Variants in TAOK3 observed in about 807,000 individuals in gnomAD.
TAOK3 encodes the protein TAO kinase 3, also known as serine/threonine-protein kinase TAO3.
In TAOK3, 40 loss-of-function variants were observed where a neutral mutation model predicts 120.4. The observed-to-expected ratio is 0.33, with a 90% CI of 0.26 to 0.43. The LOEUF (loss-of-function observed/expected upper bound fraction) is 0.43, where lower values mean the gene tolerates loss of function less well. Ranked by LOEUF, TAOK3 falls within the 20% of genes least tolerant of loss-of-function variation. The pLI, the probability that TAOK3 is intolerant of heterozygous loss-of-function variation, is 1.00. For missense variants in TAOK3, 821 were observed against 1,112.1 expected (o/e 0.74, Z 3.72); for synonymous variants, 355 against 387.5 (o/e 0.92, Z 0.99).
chr12:118,275,883 G>A (rs1177158537), intron 1 of TAOK3, among the ~76,000 whole-genome samples: 2 of 152,160 alleles, frequency 1.3e-5, no homozygotes, highest in Non-Finnish European at 2.9e-5. Flanking sequence ...AGGAAGTGAA[G>A]GAGTAAGCCC....
At chr12:118,361,714 C>A (rs1156736908) in intron 1 of TAOK3, among the ~76,000 whole-genome samples, 2 of 152,126 alleles carry the variant, frequency 1.3e-5, no homozygotes, top group Non-Finnish European at 2.9e-5. Flanking sequence ...CTGCCTCAGC[C>A]TCCCAAAGTG....
chr12:118,170,681 T>C (rs1301857751), intron 17 of TAOK3, among the ~76,000 whole-genome samples: 1 of 152,136 alleles, frequency 6.6e-6, no homozygotes, highest in Non-Finnish European at 1.5e-5. Flanking sequence ...GAGGATCGCT[T>C]GAACCTAGGA....
chr12:118,245,533 G>A (rs1593282432), intron 3 of TAOK3, among the ~76,000 whole-genome samples: 1 of 151,674 alleles, frequency 6.6e-6, no homozygotes, highest in East Asian at 1.9e-4. Context: ...GGCCAGGCTG[G>A]TCTCAAACTC....
chr12:118,206,951 C>T (rs996692872), intron 11 of TAOK3, among the ~76,000 whole-genome samples: 4 of 152,056 alleles, frequency 2.6e-5, no homozygotes, highest in African/African-American at 4.8e-5. Flanking sequence ...GGAATGCCCT[C>T]GGACTCTTTT....
intron 19 of TAOK3, among the ~76,000 whole-genome samples, chr12:118,158,308 A>T (rs1055623116): frequency 6.6e-6 from 1 of 152,156 alleles, no homozygotes; most frequent in Non-Finnish European, 1.5e-5. Context: ...ATCCATTCCT[A>T]CCAGCCACAA....
chr12:118,337,458 T>A (rs1054620609), intron 1 of TAOK3, among the ~76,000 whole-genome samples: 1 of 152,200 alleles, frequency 6.6e-6, no homozygotes, highest in African/African-American at 2.4e-5. Flanking sequence ...TAAAAACTTG[T>A]ACGAGAATGT....
At chr12:118,219,535 C>G (rs1338381850) in intron 9 of TAOK3, among the ~76,000 whole-genome samples, 2 of 152,096 alleles carry the variant, frequency 1.3e-5, no homozygotes. Context: ...CAGACTAGGT[C>G]TCCTATTAGA....
intron 15 of TAOK3, among the ~76,000 whole-genome samples, chr12:118,178,171 C>T (rs2036466835): frequency 6.6e-6 from 1 of 152,172 alleles, no homozygotes; most frequent in African/African-American, 2.4e-5. Flanking sequence ...AGGGTCATCT[C>T]AAATGCTTGG....
At chr12:118,248,600 A>G (rs910102088) in intron 3 of TAOK3, among the ~76,000 whole-genome samples, 1 of 152,146 alleles carries the variant, frequency 6.6e-6, no homozygotes, top group Admixed American at 6.5e-5. Context: ...GAGAAATTTT[A>G]ACTTCTTGTG....
At chr12:118,288,568 A>T (rs2042347317) in intron 1 of TAOK3, among the ~76,000 whole-genome samples, 1 of 152,198 alleles carries the variant, frequency 6.6e-6, no homozygotes, top group South Asian at 2.1e-4. Flanking sequence ...TCACCACAGA[A>T]CTGTATGCCA....
chr12:118,169,081 T>G (rs1374398923), intron 17 of TAOK3, among the ~76,000 whole-genome samples: 1 of 152,072 alleles, frequency 6.6e-6, no homozygotes, highest in Non-Finnish European at 1.5e-5. Flanking sequence ...TGGCGCGATC[T>G]CGGCTCACTG....
In TAOK3 at chr12:118,186,371, C is replaced by T. The variant is rs547080825; in HGVS notation, c.1329+3436G>A. Among the ~76,000 whole-genome samples the T allele has an allele frequency of 1.3e-3, 198 of 152,264 alleles. 3 individuals carry two copies. Among genetic ancestry groups the T allele is most frequent in the Non-Finnish European group, 2.6e-4 (18 of 68,018 alleles). On this transcript the variant is annotated intron_variant, in intron 14 of 20. Transcript: ENST00000392533. The stretch of plus-strand genomic sequence containing the variant: ...AAGCTGAACTCTGATAGATACACTG[C>T]TCTTTATATTAATATCTCTATCACA...
At chr12:118,368,922 G>T (rs1370043548) in intron 1 of TAOK3, among the ~76,000 whole-genome samples, 2 of 151,192 alleles carry the variant, frequency 1.3e-5, no homozygotes, top group Admixed American at 6.6e-5. Context: ...ACTTTGGCAG[G>T]TGGAGGCGGA....
Position 118,189,910 on chromosome 12 carries a change from T to G in TAOK3, c.1226A>C (p.His409Pro). ...CCGCGGCTCAGGCCTGGGATCGCCG[T>G]GGCCCGCCTCATCCCTTATGAATAC... ...DHVFIRDEAG[H>P]GDPRPEPRPT... The change falls in exon 14 of 21, where the codon CAC (histidine) becomes CCC (proline). Residue 409 changes from histidine to proline, a missense_variant. By Grantham distance (77) the His-to-Pro change is moderately conservative (BLOSUM62 -2). Around this residue, in one of 2 missense-constraint regions of TAOK3, gnomAD observed 467 missense variants for 540.0 expected, o/e 0.86. Transcript: ENST00000392533. 6.2e-7 allele frequency: 1 copy of G among 1,614,212 alleles called. No individual in the cohort carries two copies. The highest frequency in any genetic ancestry group is 8.5e-7 in the Non-Finnish European group (1 of 1,180,036).
chr12:118,358,179 A>G (rs1481864065), intron 1 of TAOK3, among the ~76,000 whole-genome samples: 1 of 152,226 alleles, frequency 6.6e-6, no homozygotes, highest in Non-Finnish European at 1.5e-5. Flanking sequence ...TCAAAAAAAA[A>G]GTATCTGTTT....
intron 9 of TAOK3, among the ~76,000 whole-genome samples, chr12:118,232,335 G>C (rs181148309): frequency 2.6e-5 from 4 of 152,172 alleles, no homozygotes; most frequent in African/African-American, 9.7e-5. Context: ...TAACTTAATG[G>C]CTGAAGTTTA....
chr12:118,355,847 T>C (rs1250207472), intron 1 of TAOK3, among the ~76,000 whole-genome samples: 1 of 152,180 alleles, frequency 6.6e-6, no homozygotes, highest in East Asian at 1.9e-4. Context: ...TCCTGTGAAG[T>C]AGGTATTATA....
In TAOK3 at chr12:118,201,327, C is replaced by T; in HGVS notation, c.956G>A (p.Gly319Glu). The T allele has an allele frequency of 1.2e-6, 2 of 1,613,934 alleles. No individual in the cohort carries two copies. The highest frequency in any genetic ancestry group is 8.5e-7 in the Non-Finnish European group (1 of 1,179,916). Residue 319 changes from glycine to glutamate, a missense_variant, in exon 12 of 21, where the codon GGA becomes GAA. Gly to Glu is a moderately conservative substitution (Grantham distance 98, BLOSUM62 -2). Around this residue, in one of 2 missense-constraint regions of TAOK3, gnomAD observed 467 missense variants for 540.0 expected, o/e 0.86. Transcript: ENST00000392533. ...ATCCTCCTGTGACTCATTCAAGGGTCCATTCCGTGTCTCTTGGAAAAGTAT... is the reference window on the plus strand; with the variant it reads ...ATCCTCCTGTGACTCATTCAAGGGTTCATTCCGTGTCTCTTGGAAAAGTAT... The part of the protein sequence containing the change: ...KKILFQETRN[G>E]PLNESQEDEE...
At chr12:118,347,037 C>T (rs992699230) in intron 1 of TAOK3, among the ~76,000 whole-genome samples, 9 of 152,138 alleles carry the variant, frequency 5.9e-5, no homozygotes, top group African/African-American at 2.2e-4. Flanking sequence ...CTCGCTCTGT[C>T]ACCCAGGCTA....
Sources: gnomAD v4.1 joint callset for allele counts (sites outside exome capture counted in the v4.1 genomes callset) on GRCh38, gnomAD v4.1.1 for gene constraint, gnomAD v4.1.1 regional missense constraint, MANE v1.5 for transcripts, NCBI Gene and HGNC (gene_info 2026-07-23, HGNC 2026-07-21) for gene names.